GRM1: variants seen among roughly 807,000 people sequenced by gnomAD.
The protein encoded by GRM1 is glutamate metabotropic receptor 1.
Under a neutral mutation model 90.9 loss-of-function variants are expected in GRM1, and 33 were observed. The observed-to-expected ratio is 0.36, with a 90% confidence interval of 0.28 to 0.49. The LOEUF is 0.49. Among genes scored for constraint, GRM1 ranks in the 20% least tolerant of loss-of-function variants. The probability of loss-of-function intolerance (pLI) is 0.99; values close to 1 mark genes in which losing one functional copy is unlikely to be tolerated. For synonymous variants in GRM1, 700 were observed against 613.2 expected (o/e 1.14, Z -2.09); for missense variants, 1,190 against 1,534.3 (o/e 0.78, Z 3.75).
chr6:146,039,903 T>C (rs1186557697), intron 1 of GRM1, among the ~76,000 whole-genome samples: 4 of 151,934 alleles, frequency 2.6e-5, no homozygotes, highest in African/African-American at 9.7e-5. Context: ...TGGGAAAAAA[T>C]TAGTTTAGGC....
intron 2 of GRM1, among the ~76,000 whole-genome samples, chr6:146,184,792 G>A (rs895554925): frequency 2.6e-5 from 4 of 152,164 alleles, no homozygotes; most frequent in Non-Finnish European, 4.4e-5. Flanking sequence ...GCCTGATGAA[G>A]CCTTCATGAT....
At chr6:146,105,009 T>C (rs1236799521) in intron 1 of GRM1, among the ~76,000 whole-genome samples, 1 of 152,208 alleles carries the variant, frequency 6.6e-6, no homozygotes, top group Non-Finnish European at 1.5e-5. Flanking sequence ...AAAGTCCTCT[T>C]TCTTGACCTG....
rs528897428 is a variant in GRM1, at chr6:146,050,692, A to G, written c.700+20475A>G. On this transcript the variant is annotated intron_variant, in intron 1 of 7. Coordinates refer to ENST00000282753, the MANE Select transcript of GRM1 (RefSeq NM_001278064.2). Reference sequence around the variant, plus strand: ...CTCTTAGCTGCTCATTCTCCAAAGCAGAATCTACACACTGCCAATTAATTT... The same window carrying G: ...CTCTTAGCTGCTCATTCTCCAAAGCGGAATCTACACACTGCCAATTAATTT... 7.9e-5 allele frequency among the ~76,000 whole-genome samples: 12 copies of G among 151,938 alleles called. 1 individual carries two copies. In the East Asian group the frequency reaches 1.6e-3, roughly 20 times the overall value.
At chr6:146,041,099 T>TGAAATTAATTG in intron 1 of GRM1, among the ~76,000 whole-genome samples, 1 of 152,142 alleles carries the variant, frequency 6.6e-6, no homozygotes, top group South Asian at 2.1e-4. Flanking sequence ...TTTAACTTTG[T>TGAAATTAATTG]AAATTAATTA....
intron 2 of GRM1, among the ~76,000 whole-genome samples, chr6:146,241,925 G>A (rs1780879330): frequency 6.6e-6 from 1 of 152,130 alleles, no homozygotes; most frequent in Admixed American, 6.6e-5. Context: ...TAACCAGGAT[G>A]TTAGGACCAA....
chr6:146,197,224 G>A (rs1779152755), intron 2 of GRM1, among the ~76,000 whole-genome samples: 1 of 152,214 alleles, frequency 6.6e-6, no homozygotes, highest in African/African-American at 2.4e-5. Flanking sequence ...CAACTGAAGA[G>A]AACAGTGTTA....
At chr6:146,243,640 A>G (rs1386374421) in intron 2 of GRM1, among the ~76,000 whole-genome samples, 1 of 152,116 alleles carries the variant, frequency 6.6e-6, no homozygotes, top group Non-Finnish European at 1.5e-5. Context: ...AAATGGAGGC[A>G]GGGCGAGATC....
chr6:146,247,779 GGTGT>G (rs370078805), intron 2 of GRM1, among the ~76,000 whole-genome samples: 77 of 137,054 alleles, frequency 5.6e-4, no homozygotes, highest in African/African-American at 1.5e-3. Flanking sequence ...AAATGTGTGT[GGTGT>G]GTGTGTGTGT....
At chr6:146,105,867 C>T (rs1175698760) in intron 1 of GRM1, among the ~76,000 whole-genome samples, 2 of 152,090 alleles carry the variant, frequency 1.3e-5, no homozygotes, top group African/African-American at 2.4e-5. Flanking sequence ...GGCTTGGAGA[C>T]TCAATGTCAG....
intron 1 of GRM1, among the ~76,000 whole-genome samples, chr6:146,062,192 G>A (rs749806544): frequency 6.6e-5 from 10 of 151,982 alleles, no homozygotes; most frequent in Admixed American, 1.3e-4. Flanking sequence ...TGTCCTTTGC[G>A]GGGACTTGGA....
intron 2 of GRM1, among the ~76,000 whole-genome samples, chr6:146,232,857 G>C (rs1291087587): frequency 6.6e-6 from 1 of 152,032 alleles, no homozygotes; most frequent in African/African-American, 2.4e-5. Flanking sequence ...TTCCATAACA[G>C]TGTCATTCAA....
intron 1 of GRM1, among the ~76,000 whole-genome samples, chr6:146,144,946 TC>T (rs1416228358): frequency 6.6e-6 from 1 of 152,232 alleles, no homozygotes; most frequent in African/African-American, 2.4e-5. Flanking sequence ...GTAAAGGCTA[TC>T]CTTTTTATAG....
chr6:146,431,320 AATTCTG>A (rs1424757230), intron 7 of GRM1, among the ~76,000 whole-genome samples: 2 of 152,150 alleles, frequency 1.3e-5, no homozygotes, highest in Non-Finnish European at 1.5e-5. Context: ...AACAGAACTA[AATTCTG>A]ATTATATCTG....
chr6:146,313,549 G>T (rs901235535), intron 3 of GRM1, among the ~76,000 whole-genome samples: 1 of 152,006 alleles, frequency 6.6e-6, no homozygotes, highest in Non-Finnish European at 1.5e-5. Context: ...TGTATTTCAC[G>T]CCTTGTATAC....
At chr6:146,170,261 TCTTA>T (rs1199473311) in intron 2 of GRM1, among the ~76,000 whole-genome samples, 2 of 152,214 alleles carry the variant, frequency 1.3e-5, no homozygotes, top group African/African-American at 4.8e-5. Context: ...CTTGTGTTTA[TCTTA>T]CTTAGAGTTC....
At chr6:146,366,726 C>T (rs1413096130) in intron 5 of GRM1, among the ~76,000 whole-genome samples, 1 of 151,876 alleles carries the variant, frequency 6.6e-6, no homozygotes, top group African/African-American at 2.4e-5. Context: ...AGGTTTTTTT[C>T]CCCATTTTTA....
intron 2 of GRM1, among the ~76,000 whole-genome samples, chr6:146,186,212 A>G (rs1055072032): frequency 1.3e-5 from 2 of 151,484 alleles, no homozygotes; most frequent in African/African-American, 2.4e-5. Context: ...TCCTGACCTC[A>G]AGTGATTCAC....
chr6:146,286,124 C>T (rs2114869172), intron 2 of GRM1, among the ~76,000 whole-genome samples: 1 of 152,170 alleles, frequency 6.6e-6, no homozygotes, highest in South Asian at 2.1e-4. Context: ...ACATTAAATT[C>T]ATCAACATCT....
intron 1 of GRM1, among the ~76,000 whole-genome samples, chr6:146,038,729 A>G (rs10457790): frequency 0.092 from 13,988 of 151,930 alleles, 794 homozygotes; most frequent in Non-Finnish European, 0.12. Context: ...TTCCACAGCT[A>G]TTGTTAAACA....
Sources: allele counts gnomAD v4.1 joint callset (sites outside exome capture counted in the v4.1 genomes callset), GRCh38; gene constraint gnomAD v4.1.1; transcripts MANE v1.5; gene names NCBI Gene and HGNC (gene_info 2026-07-23, HGNC 2026-07-21).